PPFIA2: variants seen among roughly 807,000 people sequenced by gnomAD.
The protein encoded by PPFIA2 is PPFI scaffold protein A2.
Under a neutral mutation model 175.5 loss-of-function variants are expected in PPFIA2, and 46 were observed. The observed-to-expected ratio is 0.26, with a 90% CI of 0.21 to 0.34. PPFIA2 has a LOEUF of 0.34. Ranked by LOEUF, PPFIA2 falls within the 10% of genes least tolerant of loss-of-function variation. The probability of loss-of-function intolerance (pLI) is 1.00; values close to 1 mark genes in which losing one functional copy is unlikely to be tolerated. For synonymous variants in PPFIA2, 568 were observed against 511.4 expected (o/e 1.11, Z -1.49); for missense variants, 1,179 against 1,506.1 (o/e 0.78, Z 3.60).
chr12:81,634,953 CATT>C (rs1481323068), intron 4 of PPFIA2, among the ~76,000 whole-genome samples: 2 of 151,060 alleles, frequency 1.3e-5, no homozygotes, highest in African/African-American at 4.8e-5. Context: ...TCTTCATTGT[CATT>C]AATAGGTACT....
At chr12:81,316,605 A>G (rs997537787) in intron 22 of PPFIA2, among the ~76,000 whole-genome samples, 4 of 151,632 alleles carry the variant, frequency 2.6e-5, no homozygotes, top group African/African-American at 9.7e-5. Context: ...AGTCAATTTT[A>G]TAAAACAGCT....
chr12:81,301,782 G>A (rs1422320192), intron 22 of PPFIA2, among the ~76,000 whole-genome samples: 1 of 152,038 alleles, frequency 6.6e-6, no homozygotes, highest in East Asian at 1.9e-4. Flanking sequence ...ATCTCTACAT[G>A]GCTAACTCTC....
intron 28 of PPFIA2, among the ~76,000 whole-genome samples, chr12:81,274,368 C>T (rs568386297): frequency 9.7e-4 from 147 of 152,074 alleles, no homozygotes; most frequent in African/African-American, 3.3e-3. Context: ...ATTATGTGGT[C>T]GTGATATTTC....
At chr12:81,639,869 A>G (rs977505887) in intron 4 of PPFIA2, among the ~76,000 whole-genome samples, 50 of 152,278 alleles carry the variant, frequency 3.3e-4, no homozygotes, top group African/African-American at 1.2e-3. Flanking sequence ...TGAGCCATAC[A>G]GGAAAGAATC....
intron 4 of PPFIA2, among the ~76,000 whole-genome samples, chr12:81,542,163 A>G (rs1050906231): frequency 7.2e-5 from 11 of 152,118 alleles, no homozygotes; most frequent in Admixed American, 4.6e-4. Context: ...ATGCACTCAC[A>G]TGTATCCTTT....
At chr12:81,553,723 C>T (rs556111942) in intron 4 of PPFIA2, among the ~76,000 whole-genome samples, 1 of 152,164 alleles carries the variant, frequency 6.6e-6, no homozygotes, top group African/African-American at 2.4e-5. Context: ...CTAGTCCCAT[C>T]TGCTTTCCAA....
intron 28 of PPFIA2, among the ~76,000 whole-genome samples, chr12:81,276,143 A>G (rs540095837): frequency 1.3e-5 from 2 of 152,290 alleles, no homozygotes; most frequent in African/African-American, 4.8e-5. Flanking sequence ...AAGCCCACGT[A>G]TTATCTTAAG....
intron 7 of PPFIA2, among the ~76,000 whole-genome samples, chr12:81,439,185 C>A (rs7484750): frequency 0.31 from 45,452 of 144,526 alleles, 7,505 homozygotes; most frequent in African/African-American, 0.42. Flanking sequence ...CTCTCTCTCT[C>A]TATATATATA....
chr12:81,617,722 T>G (rs1222385890), intron 4 of PPFIA2, among the ~76,000 whole-genome samples: 2 of 152,194 alleles, frequency 1.3e-5, no homozygotes, highest in African/African-American at 2.4e-5. Flanking sequence ...ATGGGTGTCG[T>G]TGCAGTTCAC....
At chr12:81,478,203 G>C (rs1388747737) in intron 4 of PPFIA2, among the ~76,000 whole-genome samples, 1 of 152,096 alleles carries the variant, frequency 6.6e-6, no homozygotes, top group Non-Finnish European at 1.5e-5. Context: ...GCATAGAGAT[G>C]TTTATAGTAT....
intron 4 of PPFIA2, among the ~76,000 whole-genome samples, chr12:81,623,149 T>C (rs1184130488): frequency 1.3e-5 from 2 of 152,062 alleles, no homozygotes; most frequent in East Asian, 1.9e-4. Flanking sequence ...TGATATCTGA[T>C]ATGTATCTAT....
At chr12:81,301,504 C>T (rs957188864) in intron 22 of PPFIA2, among the ~76,000 whole-genome samples, 2 of 152,062 alleles carry the variant, frequency 1.3e-5, no homozygotes, top group Non-Finnish European at 2.9e-5. Flanking sequence ...CTGACTAGTT[C>T]CCTAATAAAA....
chr12:81,709,126 C>T (rs929192860), intron 3 of PPFIA2, among the ~76,000 whole-genome samples: 1 of 152,092 alleles, frequency 6.6e-6, no homozygotes, highest in Non-Finnish European at 1.5e-5. Context: ...AGGTTCCTCA[C>T]ATAGGGCTTC....
rs760533148 is a variant in PPFIA2 at position 81,533,719 on chromosome 12, CTATCTATCTATCTATCTATA to C, written c.304-75873_304-75854del. Among the ~76,000 whole-genome samples the C allele has an allele frequency of 9.7e-3, 1,309 of 134,320 alleles. 11 individuals carry two copies. Among genetic ancestry groups the C allele is most frequent in the African/African-American group, 0.013 (406 of 32,466 alleles). 88.1% of individuals were successfully genotyped at this position (134,320 alleles called of 152,430 possible). ...TCTATCTATCTATCTATCTATCTAT[CTATCTATCTATCTATCTATA>C]TATCTATCTATCTACATATATATAT... On this transcript the variant is annotated intron_variant, in intron 4 of 32. Transcript: ENST00000549396.
intron 4 of PPFIA2, among the ~76,000 whole-genome samples, chr12:81,562,182 A>G (rs2070245155): frequency 6.6e-6 from 1 of 152,208 alleles, no homozygotes; most frequent in Non-Finnish European, 1.5e-5. Context: ...AAGAAATGTA[A>G]CTTAGAGGGT....
rs529500360 is a variant in PPFIA2 at position 81,668,901 on chromosome 12, G to A, written c.303+7890C>T. ...CATTTTTTGAAGTTTTCAATTACTG[G>A]TTCACACTATTACAATCTGAGACCT... On this transcript the variant is annotated intron_variant, in intron 4 of 32. Coordinates refer to ENST00000549396, the MANE Select transcript of PPFIA2 (RefSeq NM_003625.5). Among the ~76,000 whole-genome samples the A allele has an allele frequency of 3.0e-4, 46 of 151,880 alleles. No individual in the cohort carries two copies. In the South Asian group the frequency reaches 6.5e-3, roughly 21 times the overall value.
intron 8 of PPFIA2, among the ~76,000 whole-genome samples, chr12:81,394,844 T>A (rs1048560436): frequency 6.6e-6 from 1 of 151,946 alleles, no homozygotes; most frequent in Non-Finnish European, 1.5e-5. Flanking sequence ...AATCCACTAC[T>A]TTTGAAAGAT....
chr12:81,544,281 A>G (rs2066654315), intron 4 of PPFIA2, among the ~76,000 whole-genome samples: 2 of 152,132 alleles, frequency 1.3e-5, no homozygotes, highest in Admixed American at 6.6e-5. Context: ...ATAAAGAAAT[A>G]AGGTCCAGGT....
At chr12:81,494,792 T>C (rs1416694898) in intron 4 of PPFIA2, among the ~76,000 whole-genome samples, 3 of 151,608 alleles carry the variant, frequency 2.0e-5, no homozygotes, top group African/African-American at 4.9e-5. Flanking sequence ...ATGTCCTTTG[T>C]AGGGACATGG....
Sources: gnomAD v4.1 joint callset for allele counts (sites outside exome capture counted in the v4.1 genomes callset) on GRCh38, gnomAD v4.1.1 for gene constraint, MANE v1.5 for transcripts, NCBI Gene and HGNC (gene_info 2026-07-23, HGNC 2026-07-21) for gene names.